The following DYM variants were observed in gnomAD, a reference collection of about 807,000 sequenced individuals.
DYM encodes dymeclin.
DYM carries 78 observed loss-of-function variants against 93.1 expected under a neutral mutation model. The observed-to-expected ratio is 0.84, with a 90% confidence interval of 0.70 to 1.01. The LOEUF (loss-of-function observed/expected upper bound fraction) is 1.01. Among genes scored for constraint, DYM ranks in the 50% least tolerant of loss-of-function variants. The probability of loss-of-function intolerance (pLI) is 0.00; values close to 1 mark genes in which losing one functional copy is unlikely to be tolerated. For synonymous variants in DYM, 321 were observed against 319.7 expected (o/e 1.00, Z -0.04); for missense variants, 789 against 845.0 (o/e 0.93, Z 0.82).
At position 49,299,857 on chromosome 18, in the gene DYM, C is replaced by T. The variant is rs1387143606; in HGVS notation, c.764-13241G>A. On this transcript the variant is annotated intron_variant, in intron 8 of 17. Coordinates refer to ENST00000675505, the MANE Select transcript of DYM (RefSeq NM_001353214.3). ...AGGAGATCAACACCATCCTGGCTAA[C>T]ACGGTGAAACCCCGTCTCTACTGAA... is the stretch of plus-strand genomic sequence containing the variant. Among the ~76,000 whole-genome samples, 40 of 151,570 alleles carry T rather than the reference C, an allele frequency of 2.6e-4. 1 individual carries two copies. The highest frequency in any genetic ancestry group is 2.6e-3 in the Admixed American group (40 of 15,204).
At position 49,112,131 on chromosome 18, in the gene DYM, C is replaced by CCTCCTCTCCGCACCCCG. The variant is rs2081471394; in HGVS notation, c.1911+6612_1911+6613insCGGGGTGCGGAGAGGAG. ...TGCACCCGCCTCCTCTCCGCACCCC[C>CCTCCTCTCCGCACCCCG]CTCCCCTCCGCACCCCCACCCCTGC... On this transcript the variant is annotated intron_variant, in intron 16 of 17. Transcript: ENST00000675505. 1.3e-5 allele frequency among the ~76,000 whole-genome samples: 2 copies of CCTCCTCTCCGCACCCCG among 151,430 alleles called. 1 individual carries two copies. The highest frequency in any genetic ancestry group is 1.3e-4 in the Admixed American group (2 of 15,190).
At chr18:49,150,741 T>C (rs2085725624) in intron 15 of DYM, among the ~76,000 whole-genome samples, 1 of 152,130 alleles carries the variant, frequency 6.6e-6, no homozygotes, top group Non-Finnish European at 1.5e-5. Flanking sequence ...GGACAAAGGA[T>C]ATGTTTCTGA....
At chr18:49,239,836 T>C (rs1359921331) in intron 13 of DYM, among the ~76,000 whole-genome samples, 2 of 152,238 alleles carry the variant, frequency 1.3e-5, no homozygotes, top group African/African-American at 4.8e-5. Flanking sequence ...TTACAAATTG[T>C]TGTTTTAAGC....
intron 8 of DYM, among the ~76,000 whole-genome samples, chr18:49,289,751 AT>A (rs2059950399): frequency 2.3e-5 from 1 of 43,320 alleles, no homozygotes; most frequent in African/African-American, 9.1e-5. Flanking sequence ...ATATATATAT[AT>A]ATATATATAT....
chr18:49,326,649 G>A (rs1365135056), intron 8 of DYM, among the ~76,000 whole-genome samples: 1 of 152,136 alleles, frequency 6.6e-6, no homozygotes, highest in Non-Finnish European at 1.5e-5. Context: ...AAGGAAGAGA[G>A]GTGGATCCTG....
At position 49,441,205 on chromosome 18, in the gene DYM, T is replaced by A. The variant is rs1372022218; in HGVS notation, c.-53-10758A>T. Among the ~76,000 whole-genome samples, 16 of 39,454 alleles carry A rather than the reference T, an allele frequency of 4.1e-4. 1 individual carries two copies. The highest frequency in any genetic ancestry group is 1.5e-3 in the South Asian group (2 of 1,358). The allele number at this position is 39,454 out of a possible 152,430, so 25.9% of individuals were successfully genotyped here. A position where few individuals can be genotyped will look rare whatever the true frequency, so the allele number is the denominator to read the frequency against. ...TATTTATATATAATATATTATATAT[T>A]ATATATATTATATATAATTATATTA... On this transcript the variant is annotated intron_variant, in intron 1 of 17. Coordinates refer to ENST00000675505, the MANE Select transcript of DYM (RefSeq NM_001353214.3).
At chr18:49,234,244 CAGG>C (rs2093794995) in intron 13 of DYM, among the ~76,000 whole-genome samples, 1 of 152,086 alleles carries the variant, frequency 6.6e-6, no homozygotes, top group African/African-American at 2.4e-5. Context: ...TGCTTGAGTC[CAGG>C]AGTTCGAGAA....
chr18:49,407,223 AT>A (rs2071603429), intron 2 of DYM, among the ~76,000 whole-genome samples: 1 of 152,220 alleles, frequency 6.6e-6, no homozygotes, highest in South Asian at 2.1e-4. Context: ...GGGTGTGGCT[AT>A]AAAGGGTAAG....
rs145172349 is a variant in DYM at position 49,145,488 on chromosome 18, C to T, written c.1728+18197G>A. ...GTTACATCAAAGAACAAAAAATATT[C>T]AAAGAAGTCGAGTTTCATTCCTCTT... On this transcript the variant is annotated intron_variant, in intron 15 of 17. Coordinates refer to ENST00000675505, the MANE Select transcript of DYM (RefSeq NM_001353214.3). Among the ~76,000 whole-genome samples, 12 of 152,116 alleles carry T rather than the reference C, an allele frequency of 7.9e-5. No individual in the cohort carries two copies. In the East Asian group the frequency reaches 2.1e-3, roughly 27 times the overall value.
chr18:49,297,129 C>T (rs1199050489), intron 8 of DYM, among the ~76,000 whole-genome samples: 1 of 152,142 alleles, frequency 6.6e-6, no homozygotes, highest in South Asian at 2.1e-4. Context: ...TGGCTTTAAT[C>T]CTATATTTTA....
intron 2 of DYM, among the ~76,000 whole-genome samples, chr18:49,399,305 C>A (rs1002255757): frequency 1.3e-5 from 2 of 152,094 alleles, no homozygotes; most frequent in African/African-American, 4.8e-5. Context: ...GCAGGCAGAA[C>A]AAAGAGAATA....
At chr18:49,246,190 C>T (rs1355520163) in intron 13 of DYM, among the ~76,000 whole-genome samples, 1 of 152,198 alleles carries the variant, frequency 6.6e-6, no homozygotes, top group Non-Finnish European at 1.5e-5. Context: ...TCCAAACTAT[C>T]CTTGTCTCTC....
intron 17 of DYM, among the ~76,000 whole-genome samples, chr18:49,064,411 A>G (rs1206978642): frequency 2.0e-5 from 3 of 152,236 alleles, no homozygotes; most frequent in Non-Finnish European, 4.4e-5. Context: ...ATGCCTTTGA[A>G]GTAAACGTGC....
chr18:49,106,368 G>T (rs1373400640), intron 16 of DYM, among the ~76,000 whole-genome samples: 4 of 152,164 alleles, frequency 2.6e-5, no homozygotes, highest in African/African-American at 9.7e-5. Context: ...CAATTTGCCA[G>T]TCTGTGTCTT....
intron 13 of DYM, among the ~76,000 whole-genome samples, chr18:49,228,092 T>C (rs918443001): frequency 6.6e-6 from 1 of 152,172 alleles, no homozygotes; most frequent in Non-Finnish European, 1.5e-5. Context: ...TCATAGAATC[T>C]TTGAGGGCAG....
At chr18:49,123,352 A>T (rs189611064) in intron 15 of DYM, among the ~76,000 whole-genome samples, 17 of 152,290 alleles carry the variant, frequency 1.1e-4, no homozygotes, top group Non-Finnish European at 2.9e-5. Context: ...CATACTAAAG[A>T]CAGTACTGGC....
intron 6 of DYM, among the ~76,000 whole-genome samples, chr18:49,346,380 T>C (rs1187769758): frequency 6.6e-6 from 1 of 152,156 alleles, no homozygotes; most frequent in Non-Finnish European, 1.5e-5. Context: ...ACAAAAGCCA[T>C]ATATTGTATG....
intron 2 of DYM, among the ~76,000 whole-genome samples, chr18:49,415,428 C>CTTTT (rs527660269): frequency 1.4e-3 from 191 of 136,558 alleles, no homozygotes; most frequent in Admixed American, 3.7e-3. Flanking sequence ...TTATTTTTAT[C>CTTTT]TTTTTTTTTT....
At chr18:49,286,208 T>C (rs571411319) in intron 9 of DYM, among the ~76,000 whole-genome samples, 9 of 152,304 alleles carry the variant, frequency 5.9e-5, no homozygotes, top group Admixed American at 1.3e-4. Flanking sequence ...TGCTGGTTGG[T>C]TGTCCATGAA....
Sources: allele counts gnomAD v4.1 joint callset (sites outside exome capture counted in the v4.1 genomes callset), GRCh38; gene constraint gnomAD v4.1.1; transcripts MANE v1.5; gene names NCBI Gene and HGNC (gene_info 2026-07-23, HGNC 2026-07-21).